MGAT4D: variants seen among roughly 807,000 people sequenced by gnomAD.
The protein encoded by MGAT4D is MGAT4 family member D, also known as alpha-1,3-mannosyl-glycoprotein 4-beta-N-acetylglucosaminyltransferase-like protein MGAT4D.
In MGAT4D, 34 loss-of-function variants were observed where a neutral mutation model predicts 15.9. That is an observed-to-expected ratio of 2.14 (90% CI 1.62 to 2.84). The LOEUF (loss-of-function observed/expected upper bound fraction) is 2.84, where lower values mean the gene tolerates loss of function less well. Ranked by LOEUF, MGAT4D falls within the 30% of genes most tolerant of loss-of-function variation. The pLI is 0.00. For missense variants in MGAT4D, 327 were observed against 140.2 expected, an observed-to-expected ratio of 2.33 and a Z score of -6.73; for synonymous variants, 112 against 48.2, an observed-to-expected ratio of 2.33 and a Z score of -5.49.
intron 1 of MGAT4D, among the ~76,000 whole-genome samples, chr4:140,491,972 T>G (rs1385709575): frequency 2.6e-5 from 4 of 152,166 alleles, no homozygotes; most frequent in Admixed American, 2.0e-4. Flanking sequence ...CACTTTGACC[T>G]TCCCAGTCAG....
At chr4:140,483,910 A>G (rs1279870546) in intron 1 of MGAT4D, among the ~76,000 whole-genome samples, 1 of 152,222 alleles carries the variant, frequency 6.6e-6, no homozygotes, top group African/African-American at 2.4e-5. Context: ...TAAGATTACT[A>G]GAAGAAACCA....
intron 1 of MGAT4D, among the ~76,000 whole-genome samples, chr4:140,488,313 C>T (rs1263191506): frequency 6.6e-6 from 1 of 152,130 alleles, no homozygotes; most frequent in Non-Finnish European, 1.5e-5. Flanking sequence ...TAAATACTTG[C>T]CATGTGCTAT....
intron 1 of MGAT4D, 141 bp downstream of exon 1, chr4:140,497,988 G>C (rs1455457015): frequency 3.9e-6 from 2 of 519,400 alleles, no homozygotes; most frequent in Non-Finnish European, 6.7e-6. Context: ...GCACCGACGC[G>C]GGCCTCCCAG....
intron 1 of MGAT4D, among the ~76,000 whole-genome samples, chr4:140,495,808 C>A (rs993784838): frequency 6.6e-6 from 1 of 152,150 alleles, no homozygotes; most frequent in African/African-American, 2.4e-5. Context: ...GTGATCTCGG[C>A]TCACTGCAAC....
intron 10 of MGAT4D, among the ~76,000 whole-genome samples, chr4:140,446,840 T>C (rs537237335): frequency 4.0e-5 from 6 of 148,406 alleles, no homozygotes; most frequent in African/African-American, 9.9e-5. Flanking sequence ...TTTGGGTATA[T>C]AGTGTTATAA....
chr4:140,489,277 T>G (rs896959017), intron 1 of MGAT4D, among the ~76,000 whole-genome samples: 7 of 152,208 alleles, frequency 4.6e-5, no homozygotes, highest in African/African-American at 1.7e-4. Flanking sequence ...ACTCCCCCCA[T>G]GTATGCTTTG....
intron 1 of MGAT4D, among the ~76,000 whole-genome samples, chr4:140,496,645 C>T (rs1733855895): frequency 6.6e-6 from 1 of 152,080 alleles, no homozygotes; most frequent in Non-Finnish European, 1.5e-5. Flanking sequence ...GAGTTTGTGA[C>T]CAGCCTGCCC....
In MGAT4D at chr4:140,474,934, A is replaced by G. The variant is rs1732217099; in HGVS notation, c.404T>C (p.Leu135Pro). 4 of 685,668 alleles carry G rather than the reference A, an allele frequency of 5.8e-6. No individual in the cohort carries two copies. The highest frequency in any genetic ancestry group is 3.6e-5 in the African/African-American group (2 of 56,174). 42.5% of individuals were successfully genotyped at this position (685,668 alleles called of 1,614,324 possible). The change falls in exon 4 of 11, where the codon CTG (leucine) becomes CCG (proline). Residue 135 changes from leucine (L) to proline (P), a missense_variant. Leu to Pro is a moderately conservative substitution (Grantham distance 98). Transcript: ENST00000511113. The part of the protein sequence containing the change: ...GKGKTGVSFA[L>P]GISTVNRGNY... ...TCCTCTGTTAACAGTGGAAATACCC[A>G]GCGCAAAAGAAACTGTGGACATAGG...
At chr4:140,457,327 T>A (rs1391420254) in intron 8 of MGAT4D, 1 of 152,096 alleles carries the variant, frequency 6.6e-6, no homozygotes, top group Non-Finnish European at 1.5e-5. Context: ...CATATTCACT[T>A]CAAAGTAAAT....
chr4:140,489,436 A>T (rs59373928), intron 1 of MGAT4D, among the ~76,000 whole-genome samples: 2,804 of 152,200 alleles, frequency 0.018, 80 homozygotes, highest in African/African-American at 0.061. Flanking sequence ...ACATCCATGA[A>T]CCCATCACAA....
Position 140,459,629 on chromosome 4 carries a change from G to GAA in MGAT4D, c.763-5_763-4dup. The GAA allele has an allele frequency of 8.6e-5, 34 of 396,108 alleles. No homozygotes were observed. Among genetic ancestry groups the GAA allele is most frequent in the South Asian group, 2.1e-4 (4 of 18,752 alleles). 24.5% of individuals were successfully genotyped at this position (396,108 alleles called of 1,614,324 possible). On this transcript the variant is annotated splice_region_variant and splice_polypyrimidine_tract_variant and intron_variant, in intron 7 of 10. Transcript: ENST00000511113. ...TTAGCTATGATATCATCTTCTAGCT[G>GAA]AAAAAAAAAACCCAAAAAGACATTA...
chr4:140,475,660 CAAAAA>C (rs1162390812), intron 3 of MGAT4D, among the ~76,000 whole-genome samples: 2 of 52,876 alleles, frequency 3.8e-5, no homozygotes, highest in African/African-American at 1.4e-4. Flanking sequence ...AATAAAACTG[CAAAAA>C]AAAAAAAAAA....
At chr4:140,470,007 C>T (rs12648994) in intron 5 of MGAT4D, among the ~76,000 whole-genome samples, 4 of 152,320 alleles carry the variant, frequency 2.6e-5, no homozygotes, top group African/African-American at 9.6e-5. Flanking sequence ...GCCTGGAAGG[C>T]GGTCGAAGCC....
At chr4:140,473,994 G>T (rs1022591482) in intron 4 of MGAT4D, among the ~76,000 whole-genome samples, 1 of 151,996 alleles carries the variant, frequency 6.6e-6, no homozygotes, top group Non-Finnish European at 1.5e-5. Context: ...GAACCACCAT[G>T]CCCCACCATT....
intron 8 of MGAT4D, chr4:140,459,030 G>T (rs1175619830): frequency 6.6e-6 from 1 of 151,822 alleles, no homozygotes; most frequent in East Asian, 1.9e-4. Context: ...TCTCATAATG[G>T]GTATAGTATT....
At chr4:140,495,796 G>C (rs1733798532) in intron 1 of MGAT4D, among the ~76,000 whole-genome samples, 1 of 152,128 alleles carries the variant, frequency 6.6e-6, no homozygotes, top group Non-Finnish European at 1.5e-5. Flanking sequence ...AAGGGCAGTG[G>C]CGTGATCTCG....
chr4:140,447,987 T>C (rs1340364192), intron 10 of MGAT4D, among the ~76,000 whole-genome samples: 2 of 152,200 alleles, frequency 1.3e-5, no homozygotes, highest in Non-Finnish European at 2.9e-5. Context: ...GGATATGAAA[T>C]TCTTGGTTGA....
rs575161640 is a variant in MGAT4D, at chr4:140,456,005, C to T, written c.1008+584G>A. Among the ~76,000 whole-genome samples the T allele has an allele frequency of 7.4e-4, 113 of 152,170 alleles. 1 individual carries two copies. In the South Asian group the frequency reaches 0.013, roughly 18 times the overall value. On this transcript the variant is annotated intron_variant, in intron 9 of 10. Coordinates refer to ENST00000511113, the MANE Select transcript of MGAT4D (RefSeq NM_001277353.2). ...TACAAAAATTAGCTGGGCATGGTGG[C>T]GTGCACCTATAGTCCCAGTTACTGA...
chr4:140,480,283 A>G (rs55994359), intron 2 of MGAT4D, among the ~76,000 whole-genome samples: 37,656 of 152,108 alleles, frequency 0.25, 5,041 homozygotes, highest in East Asian at 0.48. Flanking sequence ...GGACATCTAC[A>G]TGGAAAAAAC....
Sources: gnomAD v4.1 joint callset for allele counts (sites outside exome capture counted in the v4.1 genomes callset) on GRCh38, gnomAD v4.1.1 for gene constraint, MANE v1.5 for transcripts, NCBI Gene and HGNC (gene_info 2026-07-23, HGNC 2026-07-21) for gene names.